ADAMTS3: variants seen among roughly 807,000 people sequenced by gnomAD.
ADAMTS3 encodes the protein ADAM metallopeptidase with thrombospondin type 1 motif 3, also known as A disintegrin and metalloproteinase with thrombospondin motifs 3.
A neutral mutation model predicts 129.0 loss-of-function variants in ADAMTS3; 73 were observed. The observed-to-expected ratio is 0.57, with a 90% CI of 0.47 to 0.69. ADAMTS3 has a LOEUF of 0.69. Among genes scored for constraint, ADAMTS3 ranks in the 30% least tolerant of loss-of-function variants. The pLI is 0.00. For missense variants in ADAMTS3, 1,457 were observed against 1,514.5 expected (o/e 0.96, Z 0.63); for synonymous variants, 477 against 510.8 (o/e 0.93, Z 0.89).
At chr4:72,548,993 AAT>A in intron 2 of ADAMTS3, 109 bp from the exon 3 acceptor site, 1 of 933,606 alleles carries the variant, frequency 1.1e-6, no homozygotes, top group Non-Finnish European at 1.5e-6. Flanking sequence ...CAATGTGCAT[AAT>A]ATAGACATTC....
intron 4 of ADAMTS3, among the ~76,000 whole-genome samples, chr4:72,387,631 A>T (rs1721481368): frequency 6.6e-6 from 1 of 152,182 alleles, no homozygotes; most frequent in Non-Finnish European, 1.5e-5. Flanking sequence ...CACTCTAGAT[A>T]TGGGGCACAA....
chr4:72,550,456 C>T (rs1994045), intron 2 of ADAMTS3, among the ~76,000 whole-genome samples: 5,944 of 152,200 alleles, frequency 0.039, 434 homozygotes, highest in African/African-American at 0.14. Context: ...TGCATGTTTG[C>T]TGTAATTATG....
intron 3 of ADAMTS3, among the ~76,000 whole-genome samples, chr4:72,535,677 C>T (rs750949810): frequency 3.9e-5 from 6 of 152,086 alleles, no homozygotes; most frequent in Non-Finnish European, 7.4e-5. Flanking sequence ...CTTTCAATTG[C>T]CTCCACAGAG....
intron 13 of ADAMTS3, among the ~76,000 whole-genome samples, chr4:72,311,572 G>A (rs994579416): frequency 3.9e-4 from 60 of 152,088 alleles, no homozygotes; most frequent in African/African-American, 1.4e-3. Flanking sequence ...ATCTAACATA[G>A]TTTTTGCCTC....
chr4:72,481,707 C>A (rs1719440904), intron 3 of ADAMTS3, among the ~76,000 whole-genome samples: 1 of 151,970 alleles, frequency 6.6e-6, no homozygotes, highest in African/African-American at 2.4e-5. Context: ...AAAATTTTCT[C>A]TGCAAAAGGC....
chr4:72,547,300 T>G (rs968678370), intron 3 of ADAMTS3, among the ~76,000 whole-genome samples: 1 of 152,158 alleles, frequency 6.6e-6, no homozygotes, highest in Non-Finnish European at 1.5e-5. Context: ...AAAGGGTCAA[T>G]GCTAGACAGA....
At chr4:72,404,854 AC>A (rs1722012209) in intron 4 of ADAMTS3, among the ~76,000 whole-genome samples, 2 of 151,354 alleles carry the variant, frequency 1.3e-5, no homozygotes, top group Admixed American at 6.6e-5. Context: ...ACACACACAC[AC>A]ACACAAAACA....
intron 3 of ADAMTS3, among the ~76,000 whole-genome samples, chr4:72,540,719 A>G (rs150526381): frequency 6.6e-6 from 1 of 152,372 alleles, no homozygotes; most frequent in East Asian, 1.9e-4. Flanking sequence ...AAAGGGGCCA[A>G]GCATGGCCCA....
At chr4:72,361,340 AAC>A (rs1433585843) in intron 4 of ADAMTS3, among the ~76,000 whole-genome samples, 9 of 152,152 alleles carry the variant, frequency 5.9e-5, no homozygotes, top group Non-Finnish European at 1.2e-4. Context: ...TAATAACATA[AAC>A]ACACATACTC....
At chr4:72,546,558 C>G (rs1283505076) in intron 3 of ADAMTS3, among the ~76,000 whole-genome samples, 1 of 152,114 alleles carries the variant, frequency 6.6e-6, no homozygotes, top group Admixed American at 6.6e-5. Context: ...ATTAGCTAGT[C>G]AGTTCTTCCA....
intron 4 of ADAMTS3, among the ~76,000 whole-genome samples, chr4:72,391,419 A>G (rs1281690890): frequency 6.6e-6 from 1 of 152,186 alleles, no homozygotes; most frequent in Non-Finnish European, 1.5e-5. Flanking sequence ...CACTGAAGAT[A>G]AAGCTTAGCA....
chr4:72,536,743 C>T (rs1220955612), intron 3 of ADAMTS3, among the ~76,000 whole-genome samples: 3 of 152,110 alleles, frequency 2.0e-5, no homozygotes, highest in Non-Finnish European at 4.4e-5. Flanking sequence ...CAACATGAGT[C>T]CTTTCCTTTG....
intron 5 of ADAMTS3, among the ~76,000 whole-genome samples, chr4:72,328,135 G>C (rs989210668): frequency 6.6e-6 from 1 of 152,082 alleles, no homozygotes; most frequent in Admixed American, 6.6e-5. Context: ...CCAACCTATT[G>C]GACCATGGGT....
At chr4:72,545,667 T>C (rs1359288577) in intron 3 of ADAMTS3, among the ~76,000 whole-genome samples, 1 of 152,148 alleles carries the variant, frequency 6.6e-6, no homozygotes, top group Non-Finnish European at 1.5e-5. Context: ...CAAATCAGCA[T>C]GTAATCCATG....
At chr4:72,419,747 G>A (rs1578663657) in intron 3 of ADAMTS3, among the ~76,000 whole-genome samples, 1 of 152,166 alleles carries the variant, frequency 6.6e-6, no homozygotes, top group East Asian at 1.9e-4. Context: ...AAAACTCCTG[G>A]CACACATGTG....
intron 3 of ADAMTS3, among the ~76,000 whole-genome samples, chr4:72,526,235 T>A (rs867109713): frequency 6.3e-4 from 96 of 152,174 alleles, no homozygotes; most frequent in African/African-American, 2.2e-3. Context: ...TCCAGGGTTG[T>A]GCTATTTAAA....
intron 3 of ADAMTS3, among the ~76,000 whole-genome samples, chr4:72,470,761 T>C (rs761663572): frequency 3.9e-5 from 6 of 152,110 alleles, no homozygotes; most frequent in Non-Finnish European, 8.8e-5. Flanking sequence ...CACTCAACTG[T>C]ACTAGGAGTC....
intron 3 of ADAMTS3, among the ~76,000 whole-genome samples, chr4:72,421,663 T>G (rs1000102692): frequency 1.3e-5 from 2 of 151,776 alleles, no homozygotes; most frequent in Non-Finnish European, 2.9e-5. Context: ...TTAATTAGAG[T>G]AGTGGGGGCT....
chr4:72,360,672 T>C (rs1249224557), intron 4 of ADAMTS3, among the ~76,000 whole-genome samples: 1 of 152,062 alleles, frequency 6.6e-6, no homozygotes. Context: ...ATTTTGCTTA[T>C]TGGCATTGAC....
Sources: allele counts gnomAD v4.1 joint callset (sites outside exome capture counted in the v4.1 genomes callset), GRCh38; gene constraint gnomAD v4.1.1; transcripts MANE v1.5; gene names NCBI Gene and HGNC (gene_info 2026-07-23, HGNC 2026-07-21).